MCPH1: variants seen among roughly 807,000 people sequenced by gnomAD.
MCPH1 encodes microcephalin.
MCPH1 carries 104 observed loss-of-function variants against 84.5 expected under a neutral mutation model. That is an observed-to-expected ratio of 1.23 (90% CI 1.05 to 1.45). The LOEUF is 1.45. Ranked by LOEUF, MCPH1 falls within the 40% of genes most tolerant of loss-of-function variation. The pLI, the probability that MCPH1 is intolerant of heterozygous loss-of-function variation, is 0.00. For missense variants in MCPH1, 1,498 were observed against 1,005.7 expected, an observed-to-expected ratio of 1.49 and a Z score of -6.62; for synonymous variants, 514 against 366.8, an observed-to-expected ratio of 1.40 and a Z score of -4.58.
intron 12 of MCPH1, among the ~76,000 whole-genome samples, chr8:6,577,236 G>T (rs1827199494): frequency 6.6e-6 from 1 of 152,090 alleles, no homozygotes; most frequent in African/African-American, 2.4e-5. Context: ...CCCTGCGTGG[G>T]GCTTCTGTCC....
rs565229505 is a variant in MCPH1 at position 6,438,803 on chromosome 8, G to A, written c.437-150G>A. On this transcript the variant is annotated intron_variant, in intron 5 of 13. Transcript: ENST00000344683. ...CAGCAACATCACTGCCTGTGGAGGT[G>A]GTGGAGGTAGAATATTAGCAGGAGT... 6.4e-5 allele frequency: 43 copies of A among 671,434 alleles called. No individual in the cohort carries two copies. In the African/African-American group the frequency reaches 6.7e-4, roughly 11 times the overall value. The allele number at this position is 671,434 out of a possible 1,614,324, so 41.6% of individuals were successfully genotyped here.
intron 13 of MCPH1, among the ~76,000 whole-genome samples, chr8:6,631,473 A>C (rs1331033635): frequency 1.3e-5 from 2 of 152,116 alleles, no homozygotes; most frequent in African/African-American, 2.4e-5. Context: ...CAACAACAAA[A>C]AAAAAACCCC....
At chr8:6,525,226 C>T (rs1339041978) in intron 12 of MCPH1, among the ~76,000 whole-genome samples, 1 of 152,140 alleles carries the variant, frequency 6.6e-6, no homozygotes, top group African/African-American at 2.4e-5. Flanking sequence ...AATTGTAGCT[C>T]TTAAATGTAT....
rs943970289 is a variant in MCPH1, at chr8:6,532,594, C to T, written c.2214+32665C>T. 2.4e-5 allele frequency: 17 copies of T among 703,484 alleles called. No individual in the cohort carries two copies. In the African/African-American group the frequency reaches 3.1e-4, roughly 13 times the overall value. The allele number at this position is 703,484 out of a possible 1,614,324, so 43.6% of individuals were successfully genotyped here. ...ATCTTTAAAAAAAAAAAAAAAAAAT[C>T]TATCAAAAGACTTGTACCTTGCCTT... On this transcript the variant is annotated intron_variant, in intron 12 of 13. Coordinates refer to ENST00000344683, the MANE Select transcript of MCPH1 (RefSeq NM_024596.5).
In MCPH1 at chr8:6,557,694, C is replaced by CACAT. The variant is rs1441010386; in HGVS notation, c.2214+57768_2214+57769insTACA. Among the ~76,000 whole-genome samples, 12 of 151,004 alleles carry CACAT rather than the reference C, an allele frequency of 7.9e-5. No individual in the cohort carries two copies. The East Asian group carries it at 2.3e-3, about 29-fold the overall frequency. On this transcript the variant is annotated intron_variant, in intron 12 of 13. Transcript: ENST00000344683. ...TATGATATATATGTGTGTGTACACA[C>CACAT]ACACACACACACACACACACATACA... is the stretch of plus-strand genomic sequence containing the variant.
chr8:6,579,144 A>T (rs907244046), intron 12 of MCPH1, among the ~76,000 whole-genome samples: 3 of 151,998 alleles, frequency 2.0e-5, no homozygotes, highest in African/African-American at 7.3e-5. Flanking sequence ...CTCACCTAAC[A>T]CCTGACACCT....
intron 12 of MCPH1, among the ~76,000 whole-genome samples, chr8:6,578,034 A>G (rs1326052129): frequency 1.3e-5 from 2 of 152,176 alleles, no homozygotes; most frequent in African/African-American, 2.4e-5. Flanking sequence ...TTTTTCTGCT[A>G]TGTTTGGGGA....
At chr8:6,622,395 G>A (rs561187955) in intron 13 of MCPH1, among the ~76,000 whole-genome samples, 1 of 152,322 alleles carries the variant, frequency 6.6e-6, no homozygotes, top group African/African-American at 2.4e-5. Context: ...GGAAGAGTGT[G>A]AAGCAAGGAC....
At chr8:6,494,215 A>C (rs1417026629) in intron 11 of MCPH1, 1 of 152,268 alleles carries the variant, frequency 6.6e-6, no homozygotes, top group Non-Finnish European at 1.5e-5. Flanking sequence ...CTGGGATTAC[A>C]GATGTGAGCC....
chr8:6,505,420 C>G lies in MCPH1; in HGVS notation c.2214+5491C>G, dbSNP rs1258938075. ...ATAGAATATATATATTCTTTATATA[C>G]ATAAAGAATATATATATTCTTTATA... On this transcript the variant is annotated intron_variant, in intron 12 of 13. Transcript: ENST00000344683. Among the ~76,000 whole-genome samples, 5 of 57,414 alleles carry G rather than the reference C, an allele frequency of 8.7e-5. 1 individual carries two copies. The highest frequency in any genetic ancestry group is 3.0e-4 in the African/African-American group (5 of 16,466). The allele number at this position is 57,414 out of a possible 152,430, so 37.7% of individuals were successfully genotyped here. A position where few individuals can be genotyped will look rare whatever the true frequency, so the allele number is the denominator to read the frequency against.
At chr8:6,459,436 T>G (rs553217026) in intron 9 of MCPH1, among the ~76,000 whole-genome samples, 2 of 152,324 alleles carry the variant, frequency 1.3e-5, no homozygotes, top group Admixed American at 1.3e-4. Flanking sequence ...CCACATATTT[T>G]TATGTATAAG....
At position 6,642,986 on chromosome 8, in the gene MCPH1, CTCTCT is replaced by C; in HGVS notation, c.2453-7_2453-3del. On this transcript the variant is annotated splice_polypyrimidine_tract_variant and splice_region_variant and intron_variant, in intron 13 of 13. Transcript: ENST00000344683. ...TGAATGCTAAACTGCTTTTCGCTCTCTCTCTAGATTCCATCACCCAGCACAAGGTC... is the reference window on the plus strand; with the variant it reads ...TGAATGCTAAACTGCTTTTCGCTCTCAGATTCCATCACCCAGCACAAGGTC... The C allele has an allele frequency of 6.2e-7, 1 of 1,613,854 alleles. No individual in the cohort carries two copies. The highest frequency in any genetic ancestry group is 1.1e-5 in the South Asian group (1 of 91,040).
chr8:6,642,972 C>G, intron 13 of MCPH1, 22 bp from the exon 14 acceptor site: 1 of 1,612,376 alleles, frequency 6.2e-7, no homozygotes, highest in East Asian at 2.2e-5. Context: ...GAATGCTAAA[C>G]TGCTTTTCGC....
At chr8:6,584,906 A>G (rs1363838766) in intron 12 of MCPH1, among the ~76,000 whole-genome samples, 1 of 152,256 alleles carries the variant, frequency 6.6e-6, no homozygotes, top group Non-Finnish European at 1.5e-5. Flanking sequence ...ATAATCTCAG[A>G]AATATTCAAG....
intron 12 of MCPH1, among the ~76,000 whole-genome samples, chr8:6,579,401 C>T (rs562201185): frequency 2.2e-4 from 33 of 152,204 alleles, no homozygotes; most frequent in African/African-American, 7.5e-4. Context: ...GCCCTCCGCT[C>T]GGTCTCACTT....
chr8:6,522,793 A>T (rs913632286), intron 12 of MCPH1, among the ~76,000 whole-genome samples: 1 of 151,846 alleles, frequency 6.6e-6, no homozygotes, highest in African/African-American at 2.4e-5. Flanking sequence ...AAAGAAAAGA[A>T]AAGAAATGTA....
At position 6,479,965 on chromosome 8, in the gene MCPH1, A is replaced by C. The variant is rs374407654; in HGVS notation, c.1974-749A>C. ...CTTAGTAGAAAAACTATGTGTTGAT[A>C]CTCAATAAATATTACATTTTCAAAA... On this transcript the variant is annotated intron_variant, in intron 10 of 13. Transcript: ENST00000344683. Among the ~76,000 whole-genome samples the C allele has an allele frequency of 3.6e-4, 55 of 152,238 alleles. 1 individual carries two copies. Among genetic ancestry groups the C allele is most frequent in the African/African-American group, 1.3e-3 (52 of 41,544 alleles).
intron 4 of MCPH1, among the ~76,000 whole-genome samples, chr8:6,434,427 C>G (rs975111836): frequency 1.3e-5 from 2 of 152,190 alleles, no homozygotes; most frequent in Non-Finnish European, 2.9e-5. Context: ...CTATAAAGCA[C>G]CACTGTCTAA....
intron 12 of MCPH1, among the ~76,000 whole-genome samples, chr8:6,536,953 T>A (rs1329585850): frequency 4.4e-5 from 6 of 136,220 alleles, no homozygotes; most frequent in African/African-American, 5.6e-5. Flanking sequence ...ATTCTAAGTA[T>A]AAGGAAGTCT....
Sources: gnomAD v4.1 joint callset for allele counts (sites outside exome capture counted in the v4.1 genomes callset) on GRCh38, gnomAD v4.1.1 for gene constraint, MANE v1.5 for transcripts, NCBI Gene and HGNC (gene_info 2026-07-23, HGNC 2026-07-21) for gene names.